Variants in GPM6A observed in about 807,000 individuals in gnomAD.
GPM6A encodes the protein neuronal membrane glycoprotein M6-a.
A neutral mutation model predicts 32.1 loss-of-function variants in GPM6A; 7 were observed. The observed-to-expected ratio is 0.22, with a 90% CI of 0.12 to 0.41. GPM6A has a LOEUF of 0.41. GPM6A is among the 10% of genes least tolerant of loss of function. GPM6A has a pLI of 1.00. For missense variants in GPM6A, 235 were observed against 347.2 expected (o/e 0.68, Z 2.57); for synonymous variants, 130 against 123.4 (o/e 1.05, Z -0.35).
chr4:175,931,020 C>T (rs921914216), intron 1 of GPM6A, among the ~76,000 whole-genome samples: 2 of 152,038 alleles, frequency 1.3e-5, no homozygotes, highest in African/African-American at 4.8e-5. Flanking sequence ...GAAATCATAT[C>T]TAATTTTAAA....
rs1194959317 is a variant in GPM6A, at chr4:175,993,232, T to G, written c.-23+9077A>C. On this transcript the variant is annotated intron_variant, in intron 1 of 7. Coordinates refer to the GPM6A transcript ENST00000280187. ...TGTAATCTGGTCTATGAGAGCAGAC[T>G]TGTATCTTCACTCCTTTATTAAAAA... is the stretch of plus-strand genomic sequence containing the variant. Among the ~76,000 whole-genome samples, 3 of 151,738 alleles carry G rather than the reference T, an allele frequency of 2.0e-5. No homozygotes were observed. In the East Asian group the frequency reaches 5.8e-4, roughly 29 times the overall value.
Position 175,635,441 on chromosome 4 carries a change from G to T in GPM6A, c.685-384C>A, listed in dbSNP as rs140704886. Among the ~76,000 whole-genome samples the T allele has an allele frequency of 1.6e-4, 24 of 152,062 alleles. 1 individual carries two copies. Among genetic ancestry groups the T allele is most frequent in the African/African-American group, 5.8e-4 (24 of 41,462 alleles). On this transcript the variant is annotated intron_variant, in intron 6 of 6. Transcript: ENST00000393658. ...ATCAGAAATATTTTCACATACCGTT[G>T]TGTCTAACTGACTTGAATTAATTGG...
chr4:175,821,444 T>G lies in GPM6A; in HGVS notation c.-22-9195A>C, dbSNP rs561987343. Among the ~76,000 whole-genome samples, 3 of 152,204 alleles carry G rather than the reference T, an allele frequency of 2.0e-5. No homozygotes were observed. The East Asian group carries it at 5.8e-4, about 29-fold the overall frequency. On this transcript the variant is annotated intron_variant, in intron 1 of 7. Coordinates refer to the GPM6A transcript ENST00000280187. ...ACAGTGCCTTAGTTAATCTTGGTTT[T>G]TGGTCATCTATATATATTTTAGAAT...
At chr4:175,676,167 C>T (rs1223252408) in intron 2 of GPM6A, among the ~76,000 whole-genome samples, 1 of 152,126 alleles carries the variant, frequency 6.6e-6, no homozygotes, top group African/African-American at 2.4e-5. Context: ...TTGTAAGTTT[C>T]CTGAGGCCTC....
chr4:175,684,958 G>A (rs937133812), intron 2 of GPM6A, among the ~76,000 whole-genome samples: 10 of 151,816 alleles, frequency 6.6e-5, no homozygotes, highest in South Asian at 2.1e-4. Context: ...GTGCGATCTC[G>A]GCTCACTGCA....
At position 175,651,880 on chromosome 4, in the gene GPM6A, G is replaced by C. The variant is rs759939268; in HGVS notation, c.495C>G (p.Thr165=). The C allele has an allele frequency of 1.2e-6, 2 of 1,613,252 alleles. No individual in the cohort carries two copies. Among genetic ancestry groups the C allele is most frequent in the African/African-American group, 2.7e-5 (2 of 74,834 alleles). ...AGAGATTTGCTCCCTCCACTAATGT[G>C]GTGTTCCGGCAGATGGTCCACAGAT... The part of the protein sequence containing the change: ...YFNLWTICRN[T]TLVEGANLCL... The change falls in exon 4 of 7, where the codon ACC becomes ACG. Residue 165 remains threonine, a synonymous_variant. Transcript: ENST00000393658.
At chr4:176,001,696 G>A (rs1171895975) in intron 1 of GPM6A, among the ~76,000 whole-genome samples, 4 of 152,204 alleles carry the variant, frequency 2.6e-5, no homozygotes, top group African/African-American at 7.2e-5. Flanking sequence ...AATTTAGGAA[G>A]AATCAGCCTT....
intron 1 of GPM6A, among the ~76,000 whole-genome samples, chr4:175,741,716 C>T (rs568455216): frequency 4.6e-5 from 7 of 152,086 alleles, no homozygotes; most frequent in South Asian, 2.1e-4. Flanking sequence ...ATATATGTCT[C>T]ATTTATCTAC....
intron 1 of GPM6A, chr4:175,787,661 C>G: frequency 1.7e-6 from 2 of 1,162,728 alleles, no homozygotes; most frequent in Non-Finnish European, 2.1e-6. Context: ...CCTAGTCAGA[C>G]AAATTTAATA....
intron 1 of GPM6A, among the ~76,000 whole-genome samples, chr4:175,779,100 G>C (rs1163272801): frequency 6.6e-6 from 1 of 152,038 alleles, no homozygotes; most frequent in African/African-American, 2.4e-5. Context: ...TCCCAGAAAT[G>C]CTTATGGAAA....
intron 1 of GPM6A, among the ~76,000 whole-genome samples, chr4:175,734,129 T>A (rs1290288065): frequency 9.9e-6 from 1 of 101,512 alleles, no homozygotes; most frequent in East Asian, 2.1e-4. Context: ...TTGTTTTAAT[T>A]TTTGCCATAT....
At chr4:175,970,409 G>GA (rs1050467298) in intron 1 of GPM6A, among the ~76,000 whole-genome samples, 1 of 151,776 alleles carries the variant, frequency 6.6e-6, no homozygotes, top group East Asian at 1.9e-4. Flanking sequence ...CAGGGGAAAT[G>GA]AAAAAAAAGT....
At chr4:175,975,078 A>G (rs1201074131) in intron 1 of GPM6A, among the ~76,000 whole-genome samples, 4 of 152,132 alleles carry the variant, frequency 2.6e-5, no homozygotes, top group Non-Finnish European at 5.9e-5. Flanking sequence ...CTCTAATACA[A>G]CAAGCTAGTG....
At chr4:175,812,909 C>T (rs914275768), upstream of GPM6A, 8 of 984,352 alleles carry the variant, frequency 8.1e-6, no homozygotes, top group African/African-American at 1.0e-4. Context: ...TATACCATCT[C>T]AGGGTTTATC....
chr4:175,891,541 A>G (rs539546914), intron 1 of GPM6A: 1 of 152,352 alleles, frequency 6.6e-6, no homozygotes, highest in Admixed American at 6.5e-5. Flanking sequence ...TATGATGTGC[A>G]TTCTCCATCA....
rs753756933 is a variant in GPM6A, at chr4:175,634,869, A to G, written c.*36T>C. On this transcript the variant is annotated 3_prime_UTR_variant, in exon 7 of 7. Transcript: ENST00000393658. ...TTGGATGGCCCTTAGTTAAACACCAATGCATTCAAATGGTAGAAAGAACAG... is the reference window on the plus strand; with the variant it reads ...TTGGATGGCCCTTAGTTAAACACCAGTGCATTCAAATGGTAGAAAGAACAG... The G allele has an allele frequency of 1.3e-6, 2 of 1,584,952 alleles. No individual in the cohort carries two copies. Among genetic ancestry groups the G allele is most frequent in the Non-Finnish European group, 8.7e-7 (1 of 1,156,040 alleles).
chr4:175,848,728 T>C (rs1736163352), intron 1 of GPM6A, among the ~76,000 whole-genome samples: 1 of 152,024 alleles, frequency 6.6e-6, no homozygotes, highest in Non-Finnish European at 1.5e-5. Flanking sequence ...CAAGAGATAA[T>C]GTATACATCA....
chr4:175,909,272 G>A (rs968632799), intron 1 of GPM6A, among the ~76,000 whole-genome samples: 12 of 152,158 alleles, frequency 7.9e-5, no homozygotes, highest in East Asian at 3.9e-4. Flanking sequence ...ACATATCAGC[G>A]GTTGCTAAGA....
At chr4:175,807,224 T>C (rs898919752) in intron 1 of GPM6A, 3 of 152,110 alleles carry the variant, frequency 2.0e-5, no homozygotes, top group African/African-American at 7.2e-5. Context: ...TTTATTTAAA[T>C]TGTAAAAAAT....
Sources: allele counts gnomAD v4.1 joint callset (sites outside exome capture counted in the v4.1 genomes callset), GRCh38; gene constraint gnomAD v4.1.1; transcripts MANE v1.5; gene names NCBI Gene and HGNC (gene_info 2026-07-23, HGNC 2026-07-21).